VWDE: variants seen among roughly 807,000 people sequenced by gnomAD.
VWDE encodes von Willebrand factor D and EGF domains.
A neutral mutation model predicts 178.4 loss-of-function variants in VWDE; 207 were observed. The ratio of observed to expected loss-of-function variants is 1.16; its 90% CI spans 1.04 to 1.30. The LOEUF is 1.30. Among genes scored for constraint, VWDE ranks in the 50% most tolerant of loss-of-function variants. The probability of loss-of-function intolerance (pLI) is 0.00; values close to 1 mark genes in which losing one functional copy is unlikely to be tolerated. For synonymous variants in VWDE, 738 were observed against 651.4 expected (o/e 1.13, Z -2.02); for missense variants, 2,287 against 1,901.3 (o/e 1.20, Z -3.77).
intron 3 of VWDE, among the ~76,000 whole-genome samples, chr7:12,387,473 T>G (rs1378887620): frequency 6.6e-6 from 1 of 152,022 alleles, no homozygotes; most frequent in African/African-American, 2.4e-5. Context: ...ATAATACTGG[T>G]TTAAATTCCA....
intron 1 of VWDE, among the ~76,000 whole-genome samples, chr7:12,402,655 A>G (rs1472811065): frequency 6.6e-6 from 1 of 151,650 alleles, no homozygotes; most frequent in Non-Finnish European, 1.5e-5. Context: ...AAAGTTATTC[A>G]TAAAGATTTA....
intron 7 of VWDE, among the ~76,000 whole-genome samples, chr7:12,376,974 T>C (rs565497257): frequency 3.3e-5 from 5 of 152,242 alleles, no homozygotes; most frequent in Admixed American, 6.5e-5. Flanking sequence ...GGTCTATAGA[T>C]ACCTTGTGTT....
chr7:12,389,240 C>T lies in VWDE; in HGVS notation c.362G>A (p.Ser121Asn). 1 of 1,551,670 alleles carries T rather than the reference C, an allele frequency of 6.4e-7. No homozygotes were observed. The highest frequency in any genetic ancestry group is 1.4e-5 in the African/African-American group (1 of 73,150). The change falls in exon 3 of 29, where the codon AGC becomes AAC. Residue 121 changes from serine (S) to asparagine (N), a missense_variant. Coordinates refer to ENST00000275358, the MANE Select transcript of VWDE (RefSeq NM_001135924.3). ...AAAGAGACAGCAGTCTTTTGTAGTG[C>T]TGAACAAAAACTGCCATGTTGCACA... ...TACATWQFLF[S>N]TTKDCCLFQI...
At chr7:12,403,161 T>C (rs1222373595) in intron 1 of VWDE, among the ~76,000 whole-genome samples, 2 of 152,162 alleles carry the variant, frequency 1.3e-5, no homozygotes, top group Admixed American at 6.5e-5. Context: ...AAAACCATAA[T>C]ACAGTATAAT....
chr7:12,383,247 G>A (rs1035443903), intron 4 of VWDE, among the ~76,000 whole-genome samples: 1 of 152,012 alleles, frequency 6.6e-6, no homozygotes, highest in Non-Finnish European at 1.5e-5. Context: ...AAGTAGAATT[G>A]TTAGGTACAA....
At chr7:12,379,131 C>T (rs973329982) in intron 6 of VWDE, among the ~76,000 whole-genome samples, 2 of 152,182 alleles carry the variant, frequency 1.3e-5, no homozygotes. Flanking sequence ...AGAGACTCTA[C>T]TACTTGGCCT....
At chr7:12,399,750 C>A (rs1198575407) in intron 1 of VWDE, among the ~76,000 whole-genome samples, 2 of 151,968 alleles carry the variant, frequency 1.3e-5, no homozygotes, top group Non-Finnish European at 2.9e-5. Context: ...GGGAGGTTGA[C>A]GTGGGAGAAT....
At chr7:12,345,598 T>C (rs938578073) in intron 19 of VWDE, among the ~76,000 whole-genome samples, 3 of 152,156 alleles carry the variant, frequency 2.0e-5, no homozygotes, top group African/African-American at 7.2e-5. Context: ...TGTGTAACCT[T>C]GGGAAGACCT....
chr7:12,351,042 T>C (rs1781903641), intron 19 of VWDE, among the ~76,000 whole-genome samples: 1 of 152,132 alleles, frequency 6.6e-6, no homozygotes, highest in East Asian at 1.9e-4. Flanking sequence ...ACATTTCCTA[T>C]GTTCCAGGAA....
chr7:12,387,758 T>C (rs1041347850), intron 3 of VWDE, among the ~76,000 whole-genome samples: 3 of 152,120 alleles, frequency 2.0e-5, no homozygotes, highest in African/African-American at 7.2e-5. Context: ...ACCCATATAA[T>C]CATCATTGTT....
intron 4 of VWDE, among the ~76,000 whole-genome samples, chr7:12,381,310 T>C (rs1454773667): frequency 1.3e-5 from 2 of 152,148 alleles, no homozygotes; most frequent in African/African-American, 4.8e-5. Context: ...TTATATCATT[T>C]TGAACTCTGG....
chr7:12,363,476 G>T (rs566740520), intron 13 of VWDE, among the ~76,000 whole-genome samples: 4 of 151,936 alleles, frequency 2.6e-5, no homozygotes, highest in African/African-American at 9.7e-5. Context: ...GACTGCTTTG[G>T]GGGAGGAAGT....
chr7:12,368,547 A>G (rs7806977), intron 12 of VWDE, among the ~76,000 whole-genome samples: 19,416 of 152,112 alleles, frequency 0.13, 1,422 homozygotes, highest in East Asian at 0.2. Context: ...GTGGCTGAAA[A>G]GCAGTGAGCT....
chr7:12,372,409 A>C (rs1783257620), intron 10 of VWDE, among the ~76,000 whole-genome samples: 2 of 152,092 alleles, frequency 1.3e-5, no homozygotes, highest in South Asian at 4.1e-4. Context: ...ATTTAAATTT[A>C]AATTTGATTT....
intron 7 of VWDE, 128 bp downstream of exon 7, chr7:12,377,648 G>T: frequency 4.0e-6 from 2 of 502,916 alleles, no homozygotes; most frequent in Non-Finnish European, 6.3e-6. Context: ...ATATGATTGG[G>T]CTAAAATTTG....
At chr7:12,350,340 A>C (rs1237336629) in intron 19 of VWDE, among the ~76,000 whole-genome samples, 1 of 152,130 alleles carries the variant, frequency 6.6e-6, no homozygotes, top group East Asian at 1.9e-4. Flanking sequence ...ACTGATTTTA[A>C]ATATTGTGAG....
At chr7:12,358,480 T>C (rs1782394637) in intron 16 of VWDE, among the ~76,000 whole-genome samples, 1 of 152,136 alleles carries the variant, frequency 6.6e-6, no homozygotes, top group Non-Finnish European at 1.5e-5. Context: ...TTAAAAAATG[T>C]CTACCTTTCC....
chr7:12,374,482 G>A (rs10256806), intron 9 of VWDE, among the ~76,000 whole-genome samples: 56,734 of 151,802 alleles, frequency 0.37, 12,744 homozygotes, highest in African/African-American at 0.63. Flanking sequence ...CAGCCTTGCA[G>A]ATAATCCATG....
At chr7:12,373,616 G>A (rs1187853496) in intron 9 of VWDE, among the ~76,000 whole-genome samples, 1 of 151,910 alleles carries the variant, frequency 6.6e-6, no homozygotes, top group African/African-American at 2.4e-5. Context: ...ACCCAATTTA[G>A]TTTTCTTCAC....
Sources: gnomAD v4.1 joint callset for allele counts (sites outside exome capture counted in the v4.1 genomes callset) on GRCh38, gnomAD v4.1.1 for gene constraint, MANE v1.5 for transcripts, NCBI Gene and HGNC (gene_info 2026-07-23, HGNC 2026-07-21) for gene names.